UBQLN1: variants seen among roughly 807,000 people sequenced by gnomAD.
UBQLN1 encodes the protein ubiquilin 1, also known as ubiquilin-1.
A neutral mutation model predicts 65.4 loss-of-function variants in UBQLN1; 13 were observed. That is an observed-to-expected ratio of 0.20 (90% CI 0.13 to 0.32). UBQLN1 has a LOEUF of 0.32. Ranked by LOEUF, UBQLN1 falls within the 10% of genes least tolerant of loss-of-function variation. The probability of loss-of-function intolerance (pLI) is 1.00; values close to 1 mark genes in which losing one functional copy is unlikely to be tolerated. For missense variants in UBQLN1, 561 were observed against 724.0 expected (o/e 0.77, Z 2.58); for synonymous variants, 267 against 247.8 (o/e 1.08, Z -0.73).
At chr9:83,698,589 T>C (rs771662758) in intron 1 of UBQLN1, among the ~76,000 whole-genome samples, 1 of 152,190 alleles carries the variant, frequency 6.6e-6, no homozygotes, top group Non-Finnish European at 1.5e-5. Flanking sequence ...ATGTGGTACA[T>C]ACATATAATG....
intron 6 of UBQLN1, among the ~76,000 whole-genome samples, chr9:83,677,243 C>T (rs1237466758): frequency 2.0e-5 from 3 of 152,162 alleles, no homozygotes; most frequent in African/African-American, 7.2e-5. Flanking sequence ...AATAAGTGTT[C>T]TCTCTACATT....
intron 9 of UBQLN1, among the ~76,000 whole-genome samples, chr9:83,664,438 T>C (rs1485335259): frequency 2.0e-5 from 3 of 151,922 alleles, no homozygotes; most frequent in Non-Finnish European, 4.4e-5. Context: ...TAAAAAATAA[T>C]AATAATCATT....
At chr9:83,686,387 G>A (rs1419430415) in intron 1 of UBQLN1, among the ~76,000 whole-genome samples, 1 of 151,930 alleles carries the variant, frequency 6.6e-6, no homozygotes, top group Non-Finnish European at 1.5e-5. Context: ...GTGATATCCC[G>A]CCTCTAAAAA....
chr9:83,668,709 AAAG>A lies in UBQLN1; in HGVS notation c.1248+473_1248+475del, dbSNP rs541806627. 3.9e-4 allele frequency: 341 copies of A among 866,726 alleles called. 1 individual carries two copies. In the African/African-American group the frequency reaches 6.0e-3, roughly 15 times the overall value. The allele number at this position is 866,726 out of a possible 1,614,324, so 53.7% of individuals were successfully genotyped here. ...TTTTCAGCAGGGGAATCAATAGTTG[AAAG>A]AAGGAGAACATTGTTCTGACAAATT... On this transcript the variant is annotated intron_variant, in intron 7 of 10. Coordinates refer to ENST00000376395, the MANE Select transcript of UBQLN1 (RefSeq NM_013438.5).
chr9:83,707,685 TGGCGGCGGC>T lies in UBQLN1; in HGVS notation c.-15_-7del. 6.5e-7 allele frequency: 1 copy of T among 1,531,332 alleles called. No individual in the cohort carries two copies. Among genetic ancestry groups the T allele is most frequent in the Non-Finnish European group, 8.7e-7 (1 of 1,143,946 alleles). 94.9% of individuals were successfully genotyped at this position (1,531,332 alleles called of 1,614,324 possible). On this transcript the variant is annotated 5_prime_UTR_variant, in exon 1 of 11. Transcript: ENST00000376395. ...CTTTCACCACTCTCGGCCATGGCTG[TGGCGGCGGC>T]GGCGGCGGTGACTCAGGCAAGCAGG...
At chr9:83,673,696 AT>A (rs1200922802) in intron 6 of UBQLN1, among the ~76,000 whole-genome samples, 1 of 151,890 alleles carries the variant, frequency 6.6e-6, no homozygotes, top group Non-Finnish European at 1.5e-5. Flanking sequence ...ATACCATTTT[AT>A]TGGAACAGTC....
At chr9:83,679,664 T>C (rs1332969369) in intron 4 of UBQLN1, 111 bp downstream of exon 4, 2 of 1,183,588 alleles carry the variant, frequency 1.7e-6, no homozygotes, top group East Asian at 2.5e-5. Context: ...AAGATAAGGA[T>C]TTCTCTCTTT....
Position 83,661,581 on chromosome 9 carries a change from C to CA in UBQLN1, c.*205dup, listed in dbSNP as rs1285749345. The CA allele has an allele frequency of 2.1e-6, 1 of 468,752 alleles. No individual in the cohort carries two copies. The highest frequency in any genetic ancestry group is 3.3e-5 in the East Asian group (1 of 30,454). The allele number at this position is 468,752 out of a possible 1,614,324, so 29.0% of individuals were successfully genotyped here. On this transcript the variant is annotated 3_prime_UTR_variant, in exon 11 of 11. Coordinates refer to ENST00000376395, the MANE Select transcript of UBQLN1 (RefSeq NM_013438.5). Reference sequence around the variant, plus strand: ...ACAATAAATGCAGAAGTGATGCATGCAGTAGCCTTAATTCCCACTGTTCCA... The same window carrying CA: ...ACAATAAATGCAGAAGTGATGCATGCAAGTAGCCTTAATTCCCACTGTTCCA...
At chr9:83,693,494 C>G (rs1832161607) in intron 1 of UBQLN1, among the ~76,000 whole-genome samples, 2 of 151,680 alleles carry the variant, frequency 1.3e-5, no homozygotes, top group African/African-American at 4.8e-5. Flanking sequence ...CTGTCAAGTT[C>G]TTGTCTTGAA....
intron 7 of UBQLN1, chr9:83,668,917 G>T: frequency 5.6e-6 from 2 of 354,594 alleles, no homozygotes; most frequent in South Asian, 5.2e-5. Context: ...CTCTGTACTT[G>T]TCTCCTAACT....
At position 83,707,535 on chromosome 9, in the gene UBQLN1, C is replaced by G; in HGVS notation, c.145G>C (p.Glu49Gln). ...VTVKTPKEKE[E>Q]FAVPENSSVQ... Reference sequence around the variant, plus strand: ...GAGCTATTCTCGGGCACGGCGAATTCCTCCTTTTCCTTCGGGGTCTTCACG... The same window carrying G: ...GAGCTATTCTCGGGCACGGCGAATTGCTCCTTTTCCTTCGGGGTCTTCACG... Residue 49 changes from glutamate to glutamine, a missense_variant, in exon 1 of 11, where the codon GAA (glutamate) becomes CAA (glutamine). By Grantham distance (29) the Glu-to-Gln change is conservative. Transcript: ENST00000376395. 1.2e-6 allele frequency: 2 copies of G among 1,611,752 alleles called. No homozygotes were observed. Among genetic ancestry groups the G allele is most frequent in the South Asian group, 2.2e-5 (2 of 90,950 alleles).
intron 2 of UBQLN1, among the ~76,000 whole-genome samples, chr9:83,685,770 T>G (rs577749596): frequency 6.6e-6 from 1 of 152,310 alleles, no homozygotes; most frequent in African/African-American, 2.4e-5. Flanking sequence ...ATAATTTAGG[T>G]ATAATAACTA....
intron 1 of UBQLN1, among the ~76,000 whole-genome samples, chr9:83,697,017 T>C (rs905068254): frequency 6.6e-6 from 1 of 151,888 alleles, no homozygotes. Flanking sequence ...CTCAAGTAAT[T>C]CTCCCACCTC....
At chr9:83,673,820 G>GAGCA (rs2131152739) in intron 6 of UBQLN1, among the ~76,000 whole-genome samples, 1 of 152,050 alleles carries the variant, frequency 6.6e-6, no homozygotes, top group East Asian at 1.9e-4. Flanking sequence ...GTTTTGTTTT[G>GAGCA]AGACAGGGTC....
intron 3 of UBQLN1, among the ~76,000 whole-genome samples, chr9:83,682,433 G>A (rs145049267): frequency 6.6e-6 from 1 of 152,014 alleles, no homozygotes; most frequent in Non-Finnish European, 1.5e-5. Flanking sequence ...AGCTATGGAT[G>A]GCATCACTGC....
In UBQLN1 at chr9:83,669,342, T is replaced by A. The variant is rs747369852; in HGVS notation, c.1106-15A>T. ...GAACATACTAGCTGAAAGTTTGTTT[T>A]TAAAAAAGACATATTAAGGAAAAAT... is the stretch of plus-strand genomic sequence containing the variant. On this transcript the variant is annotated splice_polypyrimidine_tract_variant and intron_variant, in intron 6 of 10. Coordinates refer to ENST00000376395, the MANE Select transcript of UBQLN1 (RefSeq NM_013438.5). 5 of 1,573,884 alleles carry A rather than the reference T, an allele frequency of 3.2e-6. No individual in the cohort carries two copies. The highest frequency in any genetic ancestry group is 4.3e-6 in the Non-Finnish European group (5 of 1,168,588).
At chr9:83,666,485 A>C in intron 7 of UBQLN1, 52 bp from the exon 8 acceptor site, 1 of 1,571,290 alleles carries the variant, frequency 6.4e-7, no homozygotes, top group Non-Finnish European at 8.8e-7. Flanking sequence ...GAAACAAGTA[A>C]TGTACCTTGT....
rs1246831544 is a variant in UBQLN1, at chr9:83,685,881, GA to G, written c.332+122del. On this transcript the variant is annotated intron_variant, in intron 2 of 10. Transcript: ENST00000376395. ...TAAAAAAATTGTTATCGACAGCAAG[GA>G]AAGAATTTTAACTATTTAAATATTA... The G allele has an allele frequency of 3.9e-5, 33 of 848,038 alleles. No individual in the cohort carries two copies. In the African/African-American group the frequency reaches 5.6e-4, roughly 14 times the overall value. 52.5% of individuals were successfully genotyped at this position (848,038 alleles called of 1,614,324 possible).
intron 6 of UBQLN1, among the ~76,000 whole-genome samples, chr9:83,676,048 G>C (rs538391570): frequency 6.6e-6 from 1 of 152,198 alleles, no homozygotes; most frequent in South Asian, 2.1e-4. Context: ...CCCTTCACAT[G>C]AAAAATCTGT....
Sources: allele counts gnomAD v4.1 joint callset (sites outside exome capture counted in the v4.1 genomes callset), GRCh38; gene constraint gnomAD v4.1.1; transcripts MANE v1.5; gene names NCBI Gene and HGNC (gene_info 2026-07-23, HGNC 2026-07-21).